ROBO1: variants seen among roughly 807,000 people sequenced by gnomAD.
ROBO1 encodes roundabout homolog 1.
In ROBO1, 149 loss-of-function variants were observed where a neutral mutation model predicts 195.9. The ratio of observed to expected loss-of-function variants is 0.76; its 90% confidence interval spans 0.67 to 0.87. The LOEUF (loss-of-function observed/expected upper bound fraction) is 0.87, where lower values mean the gene tolerates loss of function less well. ROBO1 is among the 40% of genes least tolerant of loss of function. The probability of loss-of-function intolerance (pLI) is 0.00; values close to 1 mark genes in which losing one functional copy is unlikely to be tolerated. For synonymous variants in ROBO1, 816 were observed against 733.2 expected (o/e 1.11, Z -1.82); for missense variants, 1,933 against 2,068.3 (o/e 0.93, Z 1.27).
At chr3:78,602,982 A>T (rs78620740) in intron 29 of ROBO1, among the ~76,000 whole-genome samples, 2,914 of 152,290 alleles carry the variant, frequency 0.019, 85 homozygotes, top group African/African-American at 0.065. Context: ...ACATGGTCCA[A>T]CATACAACAA....
chr3:78,704,420 C>A (rs1390034176), intron 8 of ROBO1, among the ~76,000 whole-genome samples: 2 of 152,004 alleles, frequency 1.3e-5, no homozygotes, highest in Non-Finnish European at 2.9e-5. Context: ...TTTATGGAAA[C>A]CACAGATTTA....
rs760141700 is a variant in ROBO1, at chr3:78,634,036, C to T, written c.3380G>A (p.Arg1127Gln). Residue 1127 changes from arginine (R) to glutamine (Q), a missense_variant, in exon 24 of 31, where the codon CGA (arginine) becomes CAA (glutamine). This residue lies in a region of ROBO1 where 1,737 missense variants were observed against 1,882.5 expected (regional missense o/e 0.92). Coordinates refer to ENST00000464233, the MANE Select transcript of ROBO1 (RefSeq NM_002941.4). The part of the protein sequence containing the change: ...VEQNKLNKDY[R>Q]ANDTVPPTIP... ...AGTTGGAGGAACTGTGTCATTTGCTCGATAATCTAGACATATCAGATGAAA... is the reference window on the plus strand; with the variant it reads ...AGTTGGAGGAACTGTGTCATTTGCTTGATAATCTAGACATATCAGATGAAA... 4.4e-5 allele frequency: 70 copies of T among 1,603,042 alleles called. No individual in the cohort carries two copies. The highest frequency in any genetic ancestry group is 2.2e-5 in the South Asian group (2 of 90,566).
chr3:78,703,544 TC>T (rs1465435813), intron 8 of ROBO1, among the ~76,000 whole-genome samples: 1 of 152,032 alleles, frequency 6.6e-6, no homozygotes, highest in Non-Finnish European at 1.5e-5. Flanking sequence ...CCCCTAGTCC[TC>T]AGTTGAAAAT....
chr3:79,263,176 A>G lies in ROBO1; in HGVS notation c.89-137637T>C, dbSNP rs577909699. Among the ~76,000 whole-genome samples the G allele has an allele frequency of 3.9e-5, 6 of 152,154 alleles. No homozygotes were observed. The South Asian group carries it at 1.2e-3, about 32-fold the overall frequency. On this transcript the variant is annotated intron_variant, in intron 2 of 30. Coordinates refer to ENST00000464233, the MANE Select transcript of ROBO1 (RefSeq NM_002941.4). ...GCGCTCTCAACTCGGGATAGTTTTC[A>G]ACTTTTTGAGAAAATAGAAGCTATC...
At chr3:78,692,536 G>C (rs1029741103) in intron 8 of ROBO1, among the ~76,000 whole-genome samples, 2 of 151,290 alleles carry the variant, frequency 1.3e-5, no homozygotes, top group African/African-American at 4.9e-5. Context: ...CTCCCAATGT[G>C]CTGGGATTAC....
At chr3:79,110,808 G>A (rs1047746954) in intron 3 of ROBO1, among the ~76,000 whole-genome samples, 1 of 151,366 alleles carries the variant, frequency 6.6e-6, no homozygotes, top group Non-Finnish European at 1.5e-5. Context: ...TTTTGTAGAT[G>A]GAGTCTCGCT....
chr3:79,335,261 G>C (rs376626503), intron 2 of ROBO1, among the ~76,000 whole-genome samples: 1 of 152,020 alleles, frequency 6.6e-6, no homozygotes. Context: ...TTTATATAGC[G>C]TATCAGAGAA....
intron 1 of ROBO1, among the ~76,000 whole-genome samples, chr3:79,640,607 A>G (rs1232055713): frequency 6.6e-6 from 1 of 151,980 alleles, no homozygotes; most frequent in Non-Finnish European, 1.5e-5. Context: ...AATTTTATGT[A>G]CCTCATACAC....
intron 2 of ROBO1, among the ~76,000 whole-genome samples, chr3:79,426,254 T>C (rs1410717375): frequency 1.3e-5 from 2 of 152,192 alleles, no homozygotes; most frequent in South Asian, 2.1e-4. Flanking sequence ...TACATCACGA[T>C]GTAACACAAA....
chr3:79,656,230 G>T (rs1207042293), intron 1 of ROBO1, among the ~76,000 whole-genome samples: 1 of 151,020 alleles, frequency 6.6e-6, no homozygotes, highest in African/African-American at 2.4e-5. Flanking sequence ...TAATAGTAGT[G>T]GTATTTTTGC....
chr3:78,676,843 C>T (rs943329318), intron 10 of ROBO1, among the ~76,000 whole-genome samples: 2 of 152,008 alleles, frequency 1.3e-5, no homozygotes, highest in Admixed American at 6.5e-5. Flanking sequence ...ATATACTCCT[C>T]GAGAAGAGCA....
At chr3:79,687,842 C>G (rs1247793612) in intron 1 of ROBO1, among the ~76,000 whole-genome samples, 1 of 152,130 alleles carries the variant, frequency 6.6e-6, no homozygotes, top group Non-Finnish European at 1.5e-5. Flanking sequence ...ACTGGAAATA[C>G]AATTTGACCC....
intron 3 of ROBO1, among the ~76,000 whole-genome samples, chr3:79,097,943 T>C (rs1369452666): frequency 6.6e-6 from 1 of 151,760 alleles, no homozygotes; most frequent in African/African-American, 2.4e-5. Flanking sequence ...GATTTATATA[T>C]GAATTCTAAA....
intron 4 of ROBO1, among the ~76,000 whole-genome samples, chr3:78,909,311 CAAT>C (rs1024032082): frequency 1.3e-5 from 2 of 151,494 alleles, no homozygotes; most frequent in African/African-American, 4.8e-5. Context: ...CATATATATA[CAAT>C]AATAATTTTT....
intron 26 of ROBO1, among the ~76,000 whole-genome samples, chr3:78,625,901 G>T (rs1405451054): frequency 6.6e-6 from 1 of 152,074 alleles, no homozygotes; most frequent in Non-Finnish European, 1.5e-5. Flanking sequence ...GAGCCAGAAG[G>T]GAGGCCAAGG....
chr3:79,269,433 A>G (rs530714621), intron 2 of ROBO1, among the ~76,000 whole-genome samples: 1 of 151,840 alleles, frequency 6.6e-6, no homozygotes, highest in Non-Finnish European at 1.5e-5. Context: ...ATGGTCACAC[A>G]AAATAACTAG....
intron 2 of ROBO1, among the ~76,000 whole-genome samples, chr3:79,501,498 T>G (rs549314762): frequency 6.6e-6 from 1 of 152,252 alleles, no homozygotes; most frequent in South Asian, 2.1e-4. Context: ...AGAAAATGAG[T>G]GTCTCTATGC....
intron 1 of ROBO1, among the ~76,000 whole-genome samples, chr3:79,601,340 G>T (rs1295428455): frequency 6.6e-6 from 1 of 151,918 alleles, no homozygotes; most frequent in Non-Finnish European, 1.5e-5. Context: ...AAAATCAAAT[G>T]AAACAAAATG....
At chr3:79,477,240 A>T (rs935734342) in intron 2 of ROBO1, among the ~76,000 whole-genome samples, 2 of 152,156 alleles carry the variant, frequency 1.3e-5, no homozygotes, top group Non-Finnish European at 1.5e-5. Flanking sequence ...AAGTACTCAA[A>T]TTCACTGCAC....
Sources: gnomAD v4.1 joint callset for allele counts (sites outside exome capture counted in the v4.1 genomes callset) on GRCh38, gnomAD v4.1.1 for gene constraint, gnomAD v4.1.1 regional missense constraint, MANE v1.5 for transcripts, NCBI Gene and HGNC (gene_info 2026-07-23, HGNC 2026-07-21) for gene names.